TCHP: variants seen among roughly 807,000 people sequenced by gnomAD.
The protein encoded by TCHP is trichoplein keratin filament binding.
Under a neutral mutation model 88.7 loss-of-function variants are expected in TCHP, and 81 were observed. That is an observed-to-expected ratio of 0.91 (90% CI 0.76 to 1.10). The LOEUF is 1.10. TCHP is among the 50% of genes least tolerant of loss of function. The pLI, the probability that TCHP is intolerant of heterozygous loss-of-function variation, is 0.00. For missense variants in TCHP, 641 were observed against 632.1 expected (o/e 1.01, Z -0.15); for synonymous variants, 232 against 232.5 (o/e 1.00, Z 0.02).
At chr12:109,907,477 G>A in intron 5 of TCHP, 49 bp from the exon 6 acceptor site, 1 of 1,574,166 alleles carries the variant, frequency 6.4e-7, no homozygotes, top group Non-Finnish European at 8.7e-7. Flanking sequence ...CTAGGTTTTT[G>A]TTGGCTTACG....
chr12:109,914,475 A>T lies in TCHP; in HGVS notation c.1168A>T (p.Lys390Ter). 1 of 1,613,884 alleles carries T rather than the reference A, an allele frequency of 6.2e-7. No homozygotes were observed. The highest frequency in any genetic ancestry group is 1.1e-5 in the South Asian group (1 of 91,046). ...LTGRQQQIQE[K>*]IEQNRRAQEE... The stretch of plus-strand genomic sequence containing the variant: ...AGGGAGACAACAGCAAATACAAGAG[A>T]AGATTGAGCAGAACCGACGGGCACA... Residue 390 changes from lysine to a stop codon, truncating the protein, a stop_gained, in exon 11 of 13, where the codon AAG (lysine) becomes TAG (stop). Transcript: ENST00000405876. LOFTEE classifies it high-confidence loss of function.
Position 109,907,598 on chromosome 12 carries a change from GAAA to G in TCHP, c.599_601del (p.Glu200_Arg201delinsGly). On this transcript the variant is annotated inframe_deletion, in exon 6 of 13. Transcript: ENST00000405876. ...TGAAAGGGCCCGAAGGGAGGCGCTA[GAAA>G]GGATGAAAGCTGAAGAGGAGAGGAG... is the stretch of plus-strand genomic sequence containing the variant. 6.2e-7 allele frequency: 1 copy of G among 1,614,242 alleles called. No individual in the cohort carries two copies. The highest frequency in any genetic ancestry group is 8.5e-7 in the Non-Finnish European group (1 of 1,180,050).
chr12:109,889,542 T>G, the TCHP span, among the ~76,000 whole-genome samples: 8 of 152,164 alleles, frequency 5.3e-5, no homozygotes, highest in Non-Finnish European at 1.0e-4. Flanking sequence ...CATTCCTGTC[T>G]CACTCCAGCC....
At chr12:109,915,722 CAG>C (rs1013232604) in intron 12 of TCHP, among the ~76,000 whole-genome samples, 176 bp downstream of exon 12, 10 of 152,234 alleles carry the variant, frequency 6.6e-5, no homozygotes, top group African/African-American at 1.2e-4. Flanking sequence ...AGCCCTGACA[CAG>C]GGGCTGTTCC....
Position 109,903,036 on chromosome 12 carries a change from C to CCGA in TCHP, c.13_15dup (p.Thr5dup), listed in dbSNP as rs1256386813. ...CCATTCCTGTTCTCAGATGGCGCTCCCGACGCTGCCGTCCTACTGGTGCAG... is the reference window on the plus strand; with the variant it reads ...CCATTCCTGTTCTCAGATGGCGCTCCCGACGACGCTGCCGTCCTACTGGTGCAG... On this transcript the variant is annotated inframe_insertion, in exon 2 of 13. Coordinates refer to ENST00000405876, the MANE Select transcript of TCHP (RefSeq NM_001143852.2). The surrounding 1 kb of genome is among the most constrained non-coding windows in gnomAD (Gnocchi z 4.6). 1 of 1,597,924 alleles carries CCGA rather than the reference C, an allele frequency of 6.3e-7. No homozygotes were observed. Among genetic ancestry groups the CCGA allele is most frequent in the East Asian group, 2.2e-5 (1 of 44,644 alleles).
At chr12:109,904,229 G>A in intron 3 of TCHP, 82 bp downstream of exon 3, 4 of 1,312,108 alleles carry the variant, frequency 3.0e-6, no homozygotes, top group Non-Finnish European at 4.3e-6. Context: ...GGTCATTCCT[G>A]GGTGCTCAGG....
intron 8 of TCHP, among the ~76,000 whole-genome samples, chr12:109,909,700 C>T (rs573671620): frequency 1.3e-5 from 2 of 152,256 alleles, no homozygotes; most frequent in Middle Eastern, 3.4e-3. Context: ...CGTGGCGGCT[C>T]ACACCTGTAA....
At chr12:109,887,442 A>G in the TCHP span, among the ~76,000 whole-genome samples, 1 of 149,734 alleles carries the variant, frequency 6.7e-6, no homozygotes, top group Admixed American at 6.6e-5. Flanking sequence ...AAACCATGGT[A>G]TTTCACCCTG....
chr12:109,892,055 C>T, the TCHP span, among the ~76,000 whole-genome samples: 4 of 152,072 alleles, frequency 2.6e-5, no homozygotes, highest in South Asian at 2.1e-4. Flanking sequence ...GGCGTGGTGG[C>T]GCATGCCTGT....
At chr12:109,894,439 G>A in the TCHP span, among the ~76,000 whole-genome samples, 1 of 148,262 alleles carries the variant, frequency 6.7e-6, no homozygotes, top group East Asian at 2.0e-4. Flanking sequence ...CTCCAGCCTG[G>A]GCAACAGAGC....
intron 4 of TCHP, 57 bp from the exon 5 acceptor site, chr12:109,906,515 C>T (rs981142492): frequency 6.4e-6 from 10 of 1,555,004 alleles, no homozygotes; most frequent in Non-Finnish European, 8.9e-6. Context: ...GCACACTGTC[C>T]CCACAGTGCC....
chr12:109,913,216 T>C lies in TCHP; in HGVS notation c.1134+144T>C, dbSNP rs1038286778. On this transcript the variant is annotated intron_variant, in intron 10 of 12. Transcript: ENST00000405876. ...TGGGCTTTAAAAATCATTGAAAAAG[T>C]AATATGAGCTTAGTAGAAAAGAATT... 65 of 718,038 alleles carry C rather than the reference T, an allele frequency of 9.1e-5. No individual in the cohort carries two copies. The Middle Eastern group carries it at 1.0e-3, about 11-fold the overall frequency. 44.5% of individuals were successfully genotyped at this position (718,038 alleles called of 1,614,324 possible). A position where few individuals can be genotyped will look rare whatever the true frequency, so the allele number is the denominator to read the frequency against.
In TCHP at chr12:109,907,823, CA is replaced by C; in HGVS notation, c.699+125del. On this transcript the variant is annotated intron_variant, in intron 6 of 12. Transcript: ENST00000405876. ...GCTGAGATTCTGCAAAGGGCGGCAG[CA>C]GCCGGGTTCTCCCTCTCACATGCAT... The C allele has an allele frequency of 5.6e-6, 6 of 1,074,988 alleles. No homozygotes were observed. In the South Asian group the frequency reaches 1.0e-4, roughly 18 times the overall value. 66.6% of individuals were successfully genotyped at this position (1,074,988 alleles called of 1,614,324 possible). A position where few individuals can be genotyped will look rare whatever the true frequency, so the allele number is the denominator to read the frequency against.
the TCHP span, among the ~76,000 whole-genome samples, chr12:109,890,699 C>G: frequency 2.6e-5 from 4 of 152,030 alleles, no homozygotes; most frequent in East Asian, 7.8e-4. Context: ...TAGTAGAGAC[C>G]GGCTTTCACC....
the TCHP span, among the ~76,000 whole-genome samples, chr12:109,892,376 T>C: frequency 6.6e-6 from 1 of 152,066 alleles, no homozygotes; most frequent in African/African-American, 2.4e-5. Flanking sequence ...GGGAACAGCA[T>C]AGCAGGAAAG....
rs755647092 is a variant in TCHP at position 109,906,686 on chromosome 12, G to A, written c.525+46G>A. On this transcript the variant is annotated intron_variant, in intron 5 of 12. Transcript: ENST00000405876. The stretch of plus-strand genomic sequence containing the variant: ...AATAGCCGCGTATTCTGCTGTGCGA[G>A]ACTGTTCACGTCTTTGCATTCGTTT... 3.3e-6 allele frequency: 5 copies of A among 1,498,480 alleles called. No individual in the cohort carries two copies. The South Asian group carries it at 4.5e-5, about 14-fold the overall frequency. The allele number at this position is 1,498,480 out of a possible 1,614,324, so 92.8% of individuals were successfully genotyped here. A position where few individuals can be genotyped will look rare whatever the true frequency, so the allele number is the denominator to read the frequency against.
chr12:109,908,053 G>A (rs1870247275), intron 6 of TCHP, among the ~76,000 whole-genome samples: 1 of 152,212 alleles, frequency 6.6e-6, no homozygotes, highest in Admixed American at 6.5e-5. Flanking sequence ...TGGGGAGCAG[G>A]TTTCGGGTCT....
intron 8 of TCHP, 34 bp downstream of exon 8, chr12:109,908,971 A>C: frequency 6.2e-7 from 1 of 1,609,902 alleles, no homozygotes; most frequent in Admixed American, 1.7e-5. Context: ...CATCTTTCTT[A>C]GCCTCTTTTG....
At chr12:109,915,918 GTCC>G (rs1256958381) in intron 12 of TCHP, among the ~76,000 whole-genome samples, 1 of 152,126 alleles carries the variant, frequency 6.6e-6, no homozygotes, top group Non-Finnish European at 1.5e-5. Flanking sequence ...CAAGAGACCA[GTCC>G]TCCTCCTCAC....
Sources: allele counts gnomAD v4.1 joint callset (sites outside exome capture counted in the v4.1 genomes callset), GRCh38; gene constraint gnomAD v4.1.1; non-coding constraint Gnocchi (gnomAD v3.1); transcripts MANE v1.5; gene names NCBI Gene and HGNC (gene_info 2026-07-23, HGNC 2026-07-21).